SPON2: variants seen among roughly 807,000 people sequenced by gnomAD.
SPON2 encodes spondin-2.
Under a neutral mutation model 29.9 loss-of-function variants are expected in SPON2, and 32 were observed. That is an observed-to-expected ratio of 1.07 (90% CI 0.81 to 1.44). The LOEUF (loss-of-function observed/expected upper bound fraction) is 1.44, where lower values mean the gene tolerates loss of function less well. SPON2 is among the 40% of genes most tolerant of loss of function. The pLI is 0.00. For synonymous variants in SPON2, 248 were observed against 209.1 expected, an observed-to-expected ratio of 1.19 and a Z score of -1.61; for missense variants, 541 against 455.5, an observed-to-expected ratio of 1.19 and a Z score of -1.71.
chr4:1,181,706 A>G (rs549043123), intron 1 of SPON2, among the ~76,000 whole-genome samples: 2 of 152,220 alleles, frequency 1.3e-5, no homozygotes, highest in Non-Finnish European at 2.9e-5. Context: ...ACAGTTATGC[A>G]CATGTTCCTG....
At chr4:1,180,320 G>T (rs1727681440) in intron 1 of SPON2, among the ~76,000 whole-genome samples, 1 of 152,210 alleles carries the variant, frequency 6.6e-6, no homozygotes, top group East Asian at 1.9e-4. Context: ...AGACTTAGTG[G>T]CCACACATGG....
intron 1 of SPON2, among the ~76,000 whole-genome samples, chr4:1,188,202 C>CAAAAAAAAAAAAAA (rs1164276990): frequency 5.2e-4 from 19 of 36,544 alleles, no homozygotes; most frequent in Admixed American, 1.3e-3. Flanking sequence ...GACTCCGTCT[C>CAAAAAAAAAAAAAA]AAAAAAAAAA....
upstream of SPON2, among the ~76,000 whole-genome samples, chr4:1,173,443 G>A (rs951370817): frequency 1.3e-5 from 2 of 152,210 alleles, no homozygotes; most frequent in Non-Finnish European, 2.9e-5. Flanking sequence ...GCAGGCCGGC[G>A]GTGTGTGCGG....
At chr4:1,191,909 C>A (rs1192599743) in intron 1 of SPON2, among the ~76,000 whole-genome samples, 1 of 152,232 alleles carries the variant, frequency 6.6e-6, no homozygotes, top group Non-Finnish European at 1.5e-5. Flanking sequence ...AGCCCCTCCC[C>A]ATAGGCCTAC....
chr4:1,174,908 C>G (rs1577900702), upstream of SPON2, among the ~76,000 whole-genome samples: 1 of 152,234 alleles, frequency 6.6e-6, no homozygotes, highest in Non-Finnish European at 1.5e-5. Context: ...GGTGCCTGCT[C>G]TGGCCTGCAG....
chr4:1,198,054 A>AAC (rs1728108383), upstream of SPON2, among the ~76,000 whole-genome samples: 1 of 151,712 alleles, frequency 6.6e-6, no homozygotes, highest in African/African-American at 2.4e-5. Flanking sequence ...TTTCAAAAAA[A>AAC]AAAAAAAACT....
upstream of SPON2, chr4:1,199,872 G>A (rs1728153037): frequency 6.6e-6 from 1 of 152,294 alleles, no homozygotes; most frequent in Non-Finnish European, 1.5e-5. The surrounding 1 kb of genome is among the most constrained non-coding windows in gnomAD (Gnocchi z 4.5). Context: ...CGACAATTTG[G>A]CGAGAAAGGT....
intron 3 of SPON2, 21 bp from the exon 4 acceptor site, chr4:1,171,211 C>A (rs1286471226): frequency 4.8e-6 from 7 of 1,467,254 alleles, no homozygotes; most frequent in Non-Finnish European, 6.3e-6. Flanking sequence ...AGCGGCTCAG[C>A]GCGCCTGGCC....
upstream of SPON2, chr4:1,199,608 A>T (rs1331335858): frequency 1.3e-5 from 2 of 152,244 alleles, no homozygotes; most frequent in Non-Finnish European, 2.9e-5. The surrounding 1 kb of genome is among the most constrained non-coding windows in gnomAD (Gnocchi z 4.5). Flanking sequence ...GGGGAGCTCG[A>T]CAGAGGCGTC....
chr4:1,191,526 G>C (rs1251976389), intron 1 of SPON2, among the ~76,000 whole-genome samples: 1 of 152,196 alleles, frequency 6.6e-6, no homozygotes, highest in Non-Finnish European at 1.5e-5. Context: ...AGGAGTAGAC[G>C]GACAGGGTTG....
At chr4:1,195,372 G>T (rs1223361226), upstream of SPON2, among the ~76,000 whole-genome samples, 1 of 151,986 alleles carries the variant, frequency 6.6e-6, no homozygotes, top group East Asian at 1.9e-4. Flanking sequence ...CCGTCGGTGG[G>T]CGCATCAGCT....
rs192775057 is a variant in SPON2 at position 1,201,195 on chromosome 4, C to T, written c.-234+6685G>A. 2.0e-3 allele frequency: 886 copies of T among 446,542 alleles called. 4 individuals are homozygous for T. The highest frequency in any genetic ancestry group is 2.9e-3 in the Non-Finnish European group (626 of 219,560). 27.7% of individuals were successfully genotyped at this position (446,542 alleles called of 1,614,324 possible). A position where few individuals can be genotyped will look rare whatever the true frequency, so the allele number is the denominator to read the frequency against. ...CCCCAGTTCCTCCAGCCCCTCCCCCCGCAGTATGTGGGCAGTGACAAAGAG... is the reference window on the plus strand; with the variant it reads ...CCCCAGTTCCTCCAGCCCCTCCCCCTGCAGTATGTGGGCAGTGACAAAGAG... On this transcript the variant is annotated intron_variant, in intron 1 of 3. Transcript: ENST00000509233.
In SPON2 at chr4:1,167,370, G is replaced by T; in HGVS notation, c.*102C>A. On this transcript the variant is annotated 3_prime_UTR_variant, in exon 6 of 6. Transcript: ENST00000290902. The stretch of plus-strand genomic sequence containing the variant: ...CGGCCTCACCGCGGTCAGGAGCAGC[G>T]CGAAACCCCCTGTGCCCTCGGCCGC... 1.6e-6 allele frequency: 2 copies of T among 1,268,292 alleles called. No individual in the cohort carries two copies. The highest frequency in any genetic ancestry group is 2.2e-6 in the Non-Finnish European group (2 of 915,762). 78.6% of individuals were successfully genotyped at this position (1,268,292 alleles called of 1,614,324 possible).
chr4:1,201,535 G>A (rs540602685), intron 1 of SPON2: 1 of 163,894 alleles, frequency 6.1e-6, no homozygotes, highest in East Asian at 1.8e-4. Context: ...CACCCCGGGA[G>A]TGCCTGCCAC....
intron 1 of SPON2, among the ~76,000 whole-genome samples, chr4:1,207,412 C>T (rs1041200932): frequency 6.6e-6 from 1 of 152,164 alleles, no homozygotes; most frequent in South Asian, 2.1e-4. Context: ...AGTGGCGAGC[C>T]CTCCACAGTG....
At chr4:1,201,976 C>G (rs1180690072) in intron 1 of SPON2, among the ~76,000 whole-genome samples, 1 of 152,220 alleles carries the variant, frequency 6.6e-6, no homozygotes, top group Admixed American at 6.5e-5. Context: ...TCACAAGTCA[C>G]TCTTTACAGT....
chr4:1,197,217 C>T (rs1223847238), upstream of SPON2: 1 of 152,242 alleles, frequency 6.6e-6, no homozygotes, highest in African/African-American at 2.4e-5. Context: ...CCGAAGATTC[C>T]TCACGGGAAA....
At chr4:1,169,301 G>A (rs1163721319) in intron 5 of SPON2, among the ~76,000 whole-genome samples, 1 of 152,130 alleles carries the variant, frequency 6.6e-6, no homozygotes. Flanking sequence ...TGTTGGGTAA[G>A]TGGCTCGGGG....
At chr4:1,205,796 C>T (rs1728326485) in intron 1 of SPON2, among the ~76,000 whole-genome samples, 1 of 152,230 alleles carries the variant, frequency 6.6e-6, no homozygotes, top group African/African-American at 2.4e-5. Context: ...AGGGGCCCCT[C>T]TCACCCCTGA....
Sources: gnomAD v4.1 joint callset for allele counts (sites outside exome capture counted in the v4.1 genomes callset) on GRCh38, gnomAD v4.1.1 for gene constraint, Gnocchi (gnomAD v3.1) non-coding constraint, MANE v1.5 for transcripts, NCBI Gene and HGNC (gene_info 2026-07-23, HGNC 2026-07-21) for gene names.